Variants in YWHAE observed in about 807,000 individuals in gnomAD.
YWHAE encodes the protein 14-3-3 protein epsilon.
In YWHAE, 4 loss-of-function variants were observed where a neutral mutation model predicts 30.1. The observed-to-expected ratio is 0.13, with a 90% CI of 0.07 to 0.30. The LOEUF (loss-of-function observed/expected upper bound fraction) is 0.30, where lower values mean the gene tolerates loss of function less well. Ranked by LOEUF, YWHAE falls within the 10% of genes least tolerant of loss-of-function variation. YWHAE has a pLI of 1.00. For synonymous variants in YWHAE, 118 were observed against 111.8 expected, an observed-to-expected ratio of 1.06 and a Z score of -0.35; for missense variants, 121 against 315.9, an observed-to-expected ratio of 0.38 and a Z score of 4.68.
chr17:1,345,291 A>AAC lies in YWHAE; in HGVS notation c.*155_*156insGT, dbSNP rs2072496716. 3 of 551,728 alleles carry AAC rather than the reference A, an allele frequency of 5.4e-6. No homozygotes were observed. In the South Asian group the frequency reaches 8.1e-5, roughly 15 times the overall value. 34.2% of individuals were successfully genotyped at this position (551,728 alleles called of 1,614,324 possible). On this transcript the variant is annotated 3_prime_UTR_variant, in exon 6 of 6. Transcript: ENST00000264335. ...TTTAAGAACTTTTGAAAACTGTTTA[A>AAC]AAAAAAAAAAAAAAAACCAACAGGG...
chr17:1,359,928 G>C (rs1567962550), intron 4 of YWHAE, among the ~76,000 whole-genome samples: 1 of 53,426 alleles, frequency 1.9e-5, no homozygotes, highest in Non-Finnish European at 3.4e-5. Flanking sequence ...GGAGGGGGAG[G>C]GGGGGAGGAG....
intron 5 of YWHAE, among the ~76,000 whole-genome samples, chr17:1,353,077 A>C (rs1353183679): frequency 1.3e-5 from 2 of 152,234 alleles, no homozygotes; most frequent in Non-Finnish European, 2.9e-5. Context: ...AGTAAACATT[A>C]ACACACACTC....
At chr17:1,398,334 T>TCACCC (rs1555648138) in intron 1 of YWHAE, among the ~76,000 whole-genome samples, 1 of 100,882 alleles carries the variant, frequency 9.9e-6, no homozygotes, top group Non-Finnish European at 1.9e-5. Context: ...CCCCATCTTA[T>TCACCC]CCCCCCCCCC....
chr17:1,367,894 A>G (rs1392843776), intron 1 of YWHAE, among the ~76,000 whole-genome samples: 4 of 152,210 alleles, frequency 2.6e-5, no homozygotes, highest in Non-Finnish European at 5.9e-5. Flanking sequence ...TTGTACATGT[A>G]AAAGTGGCAC....
intron 1 of YWHAE, among the ~76,000 whole-genome samples, chr17:1,372,917 C>CA (rs2073062981): frequency 6.6e-6 from 1 of 152,022 alleles, no homozygotes; most frequent in Admixed American, 6.6e-5. Flanking sequence ...GCCTGGGTGA[C>CA]AGAGTGAGAC....
At chr17:1,396,478 G>A (rs575328144) in intron 1 of YWHAE, among the ~76,000 whole-genome samples, 4 of 152,128 alleles carry the variant, frequency 2.6e-5, no homozygotes, top group Admixed American at 2.0e-4. Flanking sequence ...CATTCCTAGG[G>A]AATCCAACAT....
chr17:1,365,283 G>A (rs1015232370), intron 1 of YWHAE, among the ~76,000 whole-genome samples: 3 of 151,896 alleles, frequency 2.0e-5, no homozygotes, highest in Admixed American at 2.0e-4. Context: ...GAGTGAGAAA[G>A]ACTTCATATA....
chr17:1,352,128 A>G (rs2072645067), intron 5 of YWHAE: 2 of 152,096 alleles, frequency 1.3e-5, no homozygotes, highest in African/African-American at 4.8e-5. Flanking sequence ...CAGTTGGTAA[A>G]TTATTTCTGA....
At position 1,400,144 on chromosome 17, in the gene YWHAE, GATGGAAGCGGATAGTGT is replaced by G; in HGVS notation, c.-51_-35del. 1 of 1,612,616 alleles carries G rather than the reference GATGGAAGCGGATAGTGT, an allele frequency of 6.2e-7. No individual in the cohort carries two copies. Among genetic ancestry groups the G allele is most frequent in the South Asian group, 1.1e-5 (1 of 91,052 alleles). The stretch of plus-strand genomic sequence containing the variant: ...CGGCTCCGGCAGGGTCTGCGCGACG[GATGGAAGCGGATAGTGT>G]CTCCGACTCTCTCAGCCTCTCGCTC... On this transcript the variant is annotated 5_prime_UTR_variant, in exon 1 of 6. Transcript: ENST00000264335.
chr17:1,394,441 A>C (rs1438852521), intron 1 of YWHAE, among the ~76,000 whole-genome samples: 1 of 113,298 alleles, frequency 8.8e-6, no homozygotes, highest in African/African-American at 3.4e-5. Flanking sequence ...ATCCACAAAA[A>C]AAAAAAAAAA....
At chr17:1,370,089 G>A (rs929247048) in intron 1 of YWHAE, among the ~76,000 whole-genome samples, 6 of 148,804 alleles carry the variant, frequency 4.0e-5, no homozygotes, top group East Asian at 2.0e-4. Flanking sequence ...AGCATCTGAC[G>A]CTGTTGGACA....
rs1291752445 is a variant in YWHAE at position 1,388,101 on chromosome 17, GTTTTTT to G, written c.64+11940_64+11945del. 7.5e-4 allele frequency among the ~76,000 whole-genome samples: 47 copies of G among 62,390 alleles called. 2 individuals are homozygous for G. The highest frequency in any genetic ancestry group is 2.1e-3 in the African/African-American group (27 of 12,782). The allele number at this position is 62,390 out of a possible 152,430, so 40.9% of individuals were successfully genotyped here. On this transcript the variant is annotated intron_variant, in intron 1 of 5. Transcript: ENST00000264335. Reference sequence around the variant, plus strand: ...CCACCACCACGCCTGGGTAATTTTTGTTTTTTTTTTTGGTTGGTTTTTTTTTTTTTT... The same window carrying G: ...CCACCACCACGCCTGGGTAATTTTTGTTTTTGGTTGGTTTTTTTTTTTTTT...
chr17:1,386,971 A>G lies in YWHAE; in HGVS notation c.64+13076T>C, dbSNP rs72818267. Among the ~76,000 whole-genome samples the G allele has an allele frequency of 2.3e-3, 354 of 152,248 alleles. 1 individual carries two copies. The highest frequency in any genetic ancestry group is 4.1e-3 in the Non-Finnish European group (278 of 68,018). On this transcript the variant is annotated intron_variant, in intron 1 of 5. Transcript: ENST00000264335. ...TCCGTCTCAAAAGGAAAAAAAAAAAAAAGAGGAAAACATGAATTGTGTAAC... is the reference window on the plus strand; with the variant it reads ...TCCGTCTCAAAAGGAAAAAAAAAAAGAAGAGGAAAACATGAATTGTGTAAC...
chr17:1,354,971 T>TTTTG (rs2072705797), intron 4 of YWHAE, among the ~76,000 whole-genome samples: 8 of 48,866 alleles, frequency 1.6e-4, no homozygotes, highest in East Asian at 6.7e-4. Flanking sequence ...CTAGTTTTTT[T>TTTTG]TTTTTTTTTT....
At chr17:1,349,699 C>G (rs1359297604) in intron 5 of YWHAE, among the ~76,000 whole-genome samples, 1 of 151,684 alleles carries the variant, frequency 6.6e-6, no homozygotes, top group Non-Finnish European at 1.5e-5. Context: ...CTGCAAGCTC[C>G]GCCTCTGGGT....
chr17:1,369,184 C>T (rs2072992065), intron 1 of YWHAE, among the ~76,000 whole-genome samples: 1 of 152,064 alleles, frequency 6.6e-6, no homozygotes, highest in Non-Finnish European at 1.5e-5. Context: ...ATATAATTCC[C>T]CTACCTAACA....
At chr17:1,377,985 G>T (rs1236651907) in intron 1 of YWHAE, among the ~76,000 whole-genome samples, 4 of 152,160 alleles carry the variant, frequency 2.6e-5, no homozygotes, top group African/African-American at 4.8e-5. Context: ...AGAGGCGGAG[G>T]TTGCAGTGAG....
intron 4 of YWHAE, among the ~76,000 whole-genome samples, chr17:1,358,702 T>C (rs2072802340): frequency 2.0e-5 from 3 of 151,260 alleles, no homozygotes; most frequent in Non-Finnish European, 4.4e-5. Flanking sequence ...TGGTGGCACA[T>C]GCCTGTAATC....
At chr17:1,350,995 G>A (rs146496869) in intron 5 of YWHAE, among the ~76,000 whole-genome samples, 2,297 of 151,784 alleles carry the variant, frequency 0.015, 51 homozygotes, top group African/African-American at 0.053. Context: ...GGAGGCAGAG[G>A]TTGCAGTGAG....
Sources: gnomAD v4.1 joint callset for allele counts (sites outside exome capture counted in the v4.1 genomes callset) on GRCh38, gnomAD v4.1.1 for gene constraint, MANE v1.5 for transcripts, NCBI Gene and HGNC (gene_info 2026-07-23, HGNC 2026-07-21) for gene names.